The following TRIM23 variants were observed in gnomAD, a reference collection of about 807,000 sequenced individuals.
The protein encoded by TRIM23 is tripartite motif containing 23.
Under a neutral mutation model 71.0 loss-of-function variants are expected in TRIM23, and 27 were observed. The observed-to-expected ratio is 0.38, with a 90% CI of 0.28 to 0.52. The LOEUF is 0.52. Among genes scored for constraint, TRIM23 ranks in the 20% least tolerant of loss-of-function variants. The pLI, the probability that TRIM23 is intolerant of heterozygous loss-of-function variation, is 0.84. For synonymous variants in TRIM23, 234 were observed against 238.0 expected (o/e 0.98, Z 0.16); for missense variants, 482 against 692.3 (o/e 0.70, Z 3.41).
rs1315151095 is a variant in TRIM23 at position 65,605,120 on chromosome 5, A to G, written c.1045-75T>C. On this transcript the variant is annotated intron_variant, in intron 6 of 10. Coordinates refer to ENST00000231524, the MANE Select transcript of TRIM23 (RefSeq NM_001656.4). ...GAAAAGAGACTTATATTACCAACTC[A>G]CAATAAAAGCAGTTTTAACATTATA... 3 of 1,373,016 alleles carry G rather than the reference A, an allele frequency of 2.2e-6. No individual in the cohort carries two copies. In the African/African-American group the frequency reaches 4.4e-5, roughly 20 times the overall value. The allele number at this position is 1,373,016 out of a possible 1,614,324, so 85.1% of individuals were successfully genotyped here.
intron 6 of TRIM23, among the ~76,000 whole-genome samples, chr5:65,605,894 G>A (rs1280662569): frequency 2.6e-5 from 4 of 152,058 alleles, no homozygotes; most frequent in South Asian, 4.1e-4. Context: ...TCTCTTTCCC[G>A]CATGCCCTAC....
At chr5:65,599,106 T>A (rs1267872676) in intron 7 of TRIM23, among the ~76,000 whole-genome samples, 3 of 151,944 alleles carry the variant, frequency 2.0e-5, no homozygotes, top group Non-Finnish European at 4.4e-5. Flanking sequence ...ACATCCAAAT[T>A]GTAAAGGAAG....
At chr5:65,592,550 TAAAAAA>T (rs1181778141) in intron 10 of TRIM23, among the ~76,000 whole-genome samples, 1 of 145,730 alleles carries the variant, frequency 6.9e-6, no homozygotes, top group Non-Finnish European at 1.5e-5. Context: ...GGCATCAACT[TAAAAAA>T]AAAAAATTAA....
Position 65,590,388 on chromosome 5 carries a change from T to C in TRIM23, c.*1381A>G, listed in dbSNP as rs952200344. 2.1e-6 allele frequency: 3 copies of C among 1,447,996 alleles called. No homozygotes were observed. The East Asian group carries it at 7.6e-5, about 37-fold the overall frequency. 89.7% of individuals were successfully genotyped at this position (1,447,996 alleles called of 1,614,324 possible). On this transcript the variant is annotated 3_prime_UTR_variant, in exon 11 of 11. Transcript: ENST00000231524. Reference sequence around the variant, plus strand: ...AGGCTTTTTTTTTAATGCTTTGTTTTCTAAAACTTGTATTGTTTTTAAACA... The same window carrying C: ...AGGCTTTTTTTTTAATGCTTTGTTTCCTAAAACTTGTATTGTTTTTAAACA...
At position 65,615,788 on chromosome 5, in the gene TRIM23, T is replaced by G. The variant is rs1318056027; in HGVS notation, c.245-1569A>C. On this transcript the variant is annotated intron_variant, in intron 2 of 10. Coordinates refer to ENST00000231524, the MANE Select transcript of TRIM23 (RefSeq NM_001656.4). ...AACCTCTAGCATTATTACTAGGTAGTGCCTAATATTTATATCACTTAATTC... is the reference window on the plus strand; with the variant it reads ...AACCTCTAGCATTATTACTAGGTAGGGCCTAATATTTATATCACTTAATTC... Among the ~76,000 whole-genome samples, 6 of 152,356 alleles carry G rather than the reference T, an allele frequency of 3.9e-5. No homozygotes were observed. In the East Asian group the frequency reaches 9.6e-4, roughly 24 times the overall value.
intron 10 of TRIM23, among the ~76,000 whole-genome samples, chr5:65,593,867 T>A (rs1754111570): frequency 6.6e-6 from 1 of 152,214 alleles, no homozygotes; most frequent in Non-Finnish European, 1.5e-5. Flanking sequence ...CTGTCTCCAG[T>A]CCTTTGCCCT....
At chr5:65,610,693 T>C (rs551464721) in intron 5 of TRIM23, among the ~76,000 whole-genome samples, 168 bp downstream of exon 5, 5 of 152,204 alleles carry the variant, frequency 3.3e-5, no homozygotes, top group Admixed American at 3.3e-4. Context: ...TTTCAAACTC[T>C]CTCTTTTCCA....
chr5:65,591,567 A>G lies in TRIM23; in HGVS notation c.*202T>C. ...AATAAGTTTCTATTTAATTCAATCTAATCTGCTCAATTAGAAATTTAATTC... is the reference window on the plus strand; with the variant it reads ...AATAAGTTTCTATTTAATTCAATCTGATCTGCTCAATTAGAAATTTAATTC... On this transcript the variant is annotated 3_prime_UTR_variant, in exon 11 of 11. Coordinates refer to ENST00000231524, the MANE Select transcript of TRIM23 (RefSeq NM_001656.4). The G allele has an allele frequency of 7.3e-7, 1 of 1,365,038 alleles. No individual in the cohort carries two copies. Among genetic ancestry groups the G allele is most frequent in the Non-Finnish European group, 9.6e-7 (1 of 1,037,268 alleles). The allele number at this position is 1,365,038 out of a possible 1,614,324, so 84.6% of individuals were successfully genotyped here.
intron 3 of TRIM23, among the ~76,000 whole-genome samples, chr5:65,612,609 A>T (rs1267381353): frequency 6.6e-6 from 1 of 152,134 alleles, no homozygotes; most frequent in South Asian, 2.1e-4. Flanking sequence ...ACTTGAGGCC[A>T]GGAGTAAGAG....
intron 7 of TRIM23, chr5:65,604,621 T>C (rs1754449675): frequency 4.4e-6 from 1 of 225,762 alleles, no homozygotes; most frequent in African/African-American, 2.3e-5. Context: ...ATACCATATA[T>C]ATACCATTTA....
chr5:65,621,638 G>A (rs1472953764), intron 1 of TRIM23, among the ~76,000 whole-genome samples: 1 of 151,832 alleles, frequency 6.6e-6, no homozygotes, highest in Non-Finnish European at 1.5e-5. Context: ...CATCAACTCG[G>A]TAAATAATAC....
intron 4 of TRIM23, 24 bp from the exon 5 acceptor site, chr5:65,611,067 G>C (rs779747087): frequency 1.4e-5 from 22 of 1,576,734 alleles, no homozygotes; most frequent in Non-Finnish European, 1.7e-5. Context: ...CATAATTAGA[G>C]AAAAGAACTC....
chr5:65,595,844 C>T (rs531163956), intron 9 of TRIM23, among the ~76,000 whole-genome samples: 19 of 152,064 alleles, frequency 1.2e-4, no homozygotes, highest in African/African-American at 3.9e-4. Flanking sequence ...ACAGAATAAG[C>T]GGCATGAGCG....
intron 7 of TRIM23, among the ~76,000 whole-genome samples, chr5:65,601,376 G>A (rs1307377763): frequency 6.6e-6 from 1 of 152,216 alleles, no homozygotes; most frequent in Non-Finnish European, 1.5e-5. Flanking sequence ...AGTTCCACAT[G>A]GCTGGGGAAG....
In TRIM23 at chr5:65,591,312, A is replaced by G. The variant is rs1754016723; in HGVS notation, c.*457T>C. 2 of 1,406,328 alleles carry G rather than the reference A, an allele frequency of 1.4e-6. No individual in the cohort carries two copies. The highest frequency in any genetic ancestry group is 1.9e-6 in the Non-Finnish European group (2 of 1,080,770). 87.1% of individuals were successfully genotyped at this position (1,406,328 alleles called of 1,614,324 possible). ...ATTTCATTAAGCAACTGTCATTTCT[A>G]CTACTAAATGCTGCCAACATTCAGT... On this transcript the variant is annotated 3_prime_UTR_variant, in exon 11 of 11. Transcript: ENST00000231524.
rs901567981 is a variant in TRIM23, at chr5:65,591,237, GAACATA to G, written c.*526_*531del. On this transcript the variant is annotated 3_prime_UTR_variant, in exon 11 of 11. Coordinates refer to ENST00000231524, the MANE Select transcript of TRIM23 (RefSeq NM_001656.4). ...GCATTAAAGGTGTTCTGTTAACTCTGAACATAAACATAAAGTAATCCTATTATCCAA... is the reference window on the plus strand; with the variant it reads ...GCATTAAAGGTGTTCTGTTAACTCTGAACATAAAGTAATCCTATTATCCAA... 2.8e-5 allele frequency: 35 copies of G among 1,267,170 alleles called. No homozygotes were observed. The highest frequency in any genetic ancestry group is 6.3e-4 in the Middle Eastern group (2 of 3,184). The allele number at this position is 1,267,170 out of a possible 1,614,324, so 78.5% of individuals were successfully genotyped here. A position where few individuals can be genotyped will look rare whatever the true frequency, so the allele number is the denominator to read the frequency against.
chr5:65,611,765 T>C lies in TRIM23; in HGVS notation c.483A>G (p.Ala161=), dbSNP rs759114118. Residue 161 remains alanine (A), a synonymous_variant, in exon 4 of 11, where the codon GCA becomes GCG. Transcript: ENST00000231524. ...SQVTHSTKTL[A]KHRRVPLADK... ...CAGCTAGAGGAACTCGCCTGTGCTT[T>C]GCTAATGTCTTTGTAGAATGAGTAA... 5 of 1,614,178 alleles carry C rather than the reference T, an allele frequency of 3.1e-6. No individual in the cohort carries two copies. Among genetic ancestry groups the C allele is most frequent in the Admixed American group, 1.7e-5 (1 of 60,022 alleles).
In TRIM23 at chr5:65,591,166, T is replaced by C. The variant is rs916424974; in HGVS notation, c.*603A>G. The stretch of plus-strand genomic sequence containing the variant: ...ACAAAATGCTGTAGGAGAAAGTTAA[T>C]AAAACACTATATAAAGTATTAATTT... On this transcript the variant is annotated 3_prime_UTR_variant, in exon 11 of 11. Coordinates refer to ENST00000231524, the MANE Select transcript of TRIM23 (RefSeq NM_001656.4). 1.9e-6 allele frequency: 2 copies of C among 1,074,872 alleles called. No homozygotes were observed. The highest frequency in any genetic ancestry group is 4.2e-4 in the Middle Eastern group (1 of 2,404). 66.6% of individuals were successfully genotyped at this position (1,074,872 alleles called of 1,614,324 possible).
Position 65,591,102 on chromosome 5 carries a change from C to A in TRIM23, c.*667G>T. On this transcript the variant is annotated 3_prime_UTR_variant, in exon 11 of 11. Coordinates refer to ENST00000231524, the MANE Select transcript of TRIM23 (RefSeq NM_001656.4). ...TTCAGTTTATTACTAACCTGACAAGCCTAATTGGGTAACATTTCACTCCCT... is the reference window on the plus strand; with the variant it reads ...TTCAGTTTATTACTAACCTGACAAGACTAATTGGGTAACATTTCACTCCCT... The A allele has an allele frequency of 3.9e-6, 4 of 1,025,738 alleles. No individual in the cohort carries two copies. Among genetic ancestry groups the A allele is most frequent in the Non-Finnish European group, 4.7e-6 (4 of 856,524 alleles). 63.5% of individuals were successfully genotyped at this position (1,025,738 alleles called of 1,614,324 possible).
Sources: gnomAD v4.1 joint callset for allele counts (sites outside exome capture counted in the v4.1 genomes callset) on GRCh38, gnomAD v4.1.1 for gene constraint, MANE v1.5 for transcripts, NCBI Gene and HGNC (gene_info 2026-07-23, HGNC 2026-07-21) for gene names.